The following CAPN8 variants were observed in gnomAD, a reference collection of about 807,000 sequenced individuals.
The protein encoded by CAPN8 is calpain 8, also known as calpain-8.
Under a neutral mutation model 80.9 loss-of-function variants are expected in CAPN8, and 87 were observed. The observed-to-expected ratio is 1.07, with a 90% confidence interval of 0.90 to 1.28. The LOEUF is 1.28. CAPN8 is among the 50% of genes most tolerant of loss of function. The pLI is 0.00. For missense variants in CAPN8, 757 were observed against 702.0 expected (o/e 1.08, Z -0.89); for synonymous variants, 299 against 273.8 (o/e 1.09, Z -0.91).
intron 7 of CAPN8, among the ~76,000 whole-genome samples, chr1:223,621,773 A>G (rs1657400401): frequency 6.6e-6 from 1 of 152,090 alleles, no homozygotes; most frequent in African/African-American, 2.4e-5. Flanking sequence ...GAGTACCGAC[A>G]GCACTTGAGG....
chr1:223,557,540 G>A (rs1002946129), intron 13 of CAPN8, among the ~76,000 whole-genome samples: 3 of 152,268 alleles, frequency 2.0e-5, no homozygotes, highest in South Asian at 2.1e-4. Context: ...TGAGAACAAC[G>A]ACAGTACATT....
chr1:223,665,310 A>T, intron 1 of CAPN8, 100 bp downstream of exon 1: 1 of 909,404 alleles, frequency 1.1e-6, no homozygotes. Context: ...AGATCCAGAC[A>T]CTTAGGGTCC....
Position 223,616,013 on chromosome 1 carries a change from C to T in CAPN8, c.1268G>A (p.Arg423Gln), listed in dbSNP as rs778786142. 1.4e-5 allele frequency: 22 copies of T among 1,552,180 alleles called. No individual in the cohort carries two copies. The highest frequency in any genetic ancestry group is 5.9e-5 in the South Asian group (5 of 84,074). The change falls in exon 10 of 21, where the codon CGG (arginine) becomes CAG (glutamine). Residue 423 changes from arginine to glutamine, a missense_variant. Physicochemically the swap from Arg to Gln is conservative, Grantham distance 43. Transcript: ENST00000366872. ...GATGCTAAGCATGCCTTGTCCTATCCGCTTCCGCCACCTGCGATTTTTCTG... is the reference window on the plus strand; with the variant it reads ...GATGCTAAGCATGCCTTGTCCTATCTGCTTCCGCCACCTGCGATTTTTCTG... ...LMQKNRRWRK[R>Q]IGQGMLSIGY...
chr1:223,658,592 C>T (rs757417426), intron 1 of CAPN8, among the ~76,000 whole-genome samples: 1 of 152,104 alleles, frequency 6.6e-6, no homozygotes. Context: ...CACTTGAGGT[C>T]AGGAGTTTGA....
At chr1:223,628,838 T>G in intron 2 of CAPN8, 58 bp from the exon 3 acceptor site, 2 of 1,363,450 alleles carry the variant, frequency 1.5e-6, no homozygotes, top group South Asian at 2.5e-5. Context: ...GGGCCCTGCT[T>G]TCTCTGACCC....
intron 1 of CAPN8, among the ~76,000 whole-genome samples, chr1:223,664,208 G>A (rs1026956318): frequency 3.3e-5 from 5 of 152,166 alleles, no homozygotes; most frequent in African/African-American, 1.2e-4. Context: ...GCATCCAGGA[G>A]CCTCTGCCTT....
At chr1:223,548,046 A>G (rs1158158826) in intron 16 of CAPN8, among the ~76,000 whole-genome samples, 1 of 152,194 alleles carries the variant, frequency 6.6e-6, no homozygotes, top group East Asian at 1.9e-4. Context: ...TCAGCCACGC[A>G]GAGGTGGGCA....
intron 11 of CAPN8, among the ~76,000 whole-genome samples, chr1:223,610,491 G>A (rs1344693457): frequency 1.3e-5 from 2 of 152,196 alleles, no homozygotes; most frequent in Middle Eastern, 3.2e-3. Flanking sequence ...ATGAGTTAAA[G>A]GTCATTCTTG....
chr1:223,549,900 C>T (rs902462553), intron 15 of CAPN8, among the ~76,000 whole-genome samples: 4 of 152,222 alleles, frequency 2.6e-5, no homozygotes, highest in African/African-American at 9.7e-5. Flanking sequence ...ATTATACCCA[C>T]TTTATAGATC....
At chr1:223,542,393 G>T (rs928057597) in intron 20 of CAPN8, among the ~76,000 whole-genome samples, 3 of 152,124 alleles carry the variant, frequency 2.0e-5, no homozygotes, top group Admixed American at 6.5e-5. Context: ...GAATCCACAG[G>T]TCTATTTCTA....
At chr1:223,639,146 A>G (rs757353094) in intron 2 of CAPN8, among the ~76,000 whole-genome samples, 3 of 152,190 alleles carry the variant, frequency 2.0e-5, no homozygotes, top group Non-Finnish European at 2.9e-5. Context: ...AGGCTGAGGC[A>G]GGAGAATTGC....
At chr1:223,647,905 G>T (rs914784844) in intron 2 of CAPN8, among the ~76,000 whole-genome samples, 1 of 152,156 alleles carries the variant, frequency 6.6e-6, no homozygotes, top group Non-Finnish European at 1.5e-5. Flanking sequence ...TTGGATATTT[G>T]TAGCAACTGT....
intron 9 of CAPN8, chr1:223,618,365 A>C: frequency 6.5e-7 from 1 of 1,532,424 alleles, no homozygotes; most frequent in African/African-American, 1.4e-5. Flanking sequence ...GTTAGTGCGG[A>C]GGCCATGCTT....
intron 10 of CAPN8, among the ~76,000 whole-genome samples, chr1:223,612,834 G>C (rs775270449): frequency 1.3e-4 from 20 of 152,210 alleles, no homozygotes; most frequent in Non-Finnish European, 2.2e-4. Flanking sequence ...CTAGCACAAT[G>C]TCATCAGCAC....
At chr1:223,655,664 A>T (rs1443478013) in intron 1 of CAPN8, among the ~76,000 whole-genome samples, 2 of 152,236 alleles carry the variant, frequency 1.3e-5, no homozygotes, top group Non-Finnish European at 2.9e-5. Context: ...GAGAAAAAAC[A>T]CAAAGAGAGA....
At chr1:223,549,987 G>T (rs373657100) in intron 15 of CAPN8, among the ~76,000 whole-genome samples, 24 of 152,302 alleles carry the variant, frequency 1.6e-4, no homozygotes, top group African/African-American at 5.8e-4. Context: ...GGAGTTAAAT[G>T]CAGGCCAGCC....
In CAPN8 at chr1:223,544,844, A is replaced by G; in HGVS notation, c.1840T>C (p.Tyr614His). ...GAGTGGTTATAATCAGTTTCCCAAT[A>G]GATCTCCTAAAGCAGGAAAGAAATC... is the stretch of plus-strand genomic sequence containing the variant. The part of the protein sequence containing the change: ...WLKIQKYLEI[Y>H]WETDYNHSGT... The change falls in exon 18 of 21, where the codon TAT becomes CAT. Residue 614 changes from tyrosine to histidine, a missense_variant. Physicochemically the swap from Tyr to His is moderately conservative, Grantham distance 83. Coordinates refer to ENST00000366872, the MANE Select transcript of CAPN8 (RefSeq NM_001143962.2). 1 of 1,551,684 alleles carries G rather than the reference A, an allele frequency of 6.4e-7. No homozygotes were observed. The highest frequency in any genetic ancestry group is 8.7e-7 in the Non-Finnish European group (1 of 1,146,988).
At chr1:223,624,175 C>G (rs926216237) in intron 6 of CAPN8, among the ~76,000 whole-genome samples, 10 of 152,156 alleles carry the variant, frequency 6.6e-5, no homozygotes, top group African/African-American at 2.4e-4. Context: ...TGCCCGGGCT[C>G]AAGCGATCCT....
Position 223,616,045 on chromosome 1 carries a change from G to T in CAPN8, c.1236C>A (p.Gly412=), listed in dbSNP as rs143158249. The change falls in exon 10 of 21, where the codon GGC becomes GGA. Residue 412 remains glycine (G), a synonymous_variant. Transcript: ENST00000366872. ...GCCACCTGCGATTTTTCTGCATCAG[G>T]CCCAGCAGCACTGTACAGCAGGGTT... is the stretch of plus-strand genomic sequence containing the variant. The part of the protein sequence containing the change: ...IGEPCCTVLL[G]LMQKNRRWRK... The T allele has an allele frequency of 4.5e-6, 7 of 1,552,294 alleles. No individual in the cohort carries two copies. In the East Asian group the frequency reaches 7.3e-5, roughly 16 times the overall value.
Sources: gnomAD v4.1 joint callset for allele counts (sites outside exome capture counted in the v4.1 genomes callset) on GRCh38, gnomAD v4.1.1 for gene constraint, MANE v1.5 for transcripts, NCBI Gene and HGNC (gene_info 2026-07-23, HGNC 2026-07-21) for gene names.